SLC1A2: variants seen among roughly 807,000 people sequenced by gnomAD.
SLC1A2 encodes solute carrier family 1 member 2.
Under a neutral mutation model 48.8 loss-of-function variants are expected in SLC1A2, and 15 were observed. That is an observed-to-expected ratio of 0.31 (90% CI 0.21 to 0.47). SLC1A2 has a LOEUF of 0.47. Ranked by LOEUF, SLC1A2 falls within the 20% of genes least tolerant of loss-of-function variation. SLC1A2 has a pLI of 0.99. For missense variants in SLC1A2, 502 were observed against 730.5 expected (o/e 0.69, Z 3.61); for synonymous variants, 279 against 272.6 (o/e 1.02, Z -0.23).
At chr11:35,395,626 C>T (rs1854927919) in intron 1 of SLC1A2, among the ~76,000 whole-genome samples, 1 of 151,660 alleles carries the variant, frequency 6.6e-6, no homozygotes, top group South Asian at 2.1e-4. Flanking sequence ...GTCTTAGACG[C>T]TAGGTGGGCT....
intron 9 of SLC1A2, among the ~76,000 whole-genome samples, chr11:35,276,817 A>G (rs1230317898): frequency 2.6e-5 from 4 of 152,232 alleles, no homozygotes; most frequent in Non-Finnish European, 5.9e-5. Flanking sequence ...GAAGAAAAAA[A>G]TAGGTCAAAA....
At chr11:35,416,803 G>A (rs2135310187) in intron 1 of SLC1A2, among the ~76,000 whole-genome samples, 1 of 152,224 alleles carries the variant, frequency 6.6e-6, no homozygotes, top group South Asian at 2.1e-4. Flanking sequence ...TCTTTACAAG[G>A]CACATTAACC....
intron 1 of SLC1A2, chr11:35,360,121 A>G (rs1853623453): frequency 6.1e-6 from 6 of 983,844 alleles, no homozygotes; most frequent in African/African-American, 1.7e-5. Context: ...CAGTCCTGCT[A>G]TACTATAGAG....
chr11:35,341,490 T>A (rs1192918052), intron 1 of SLC1A2, among the ~76,000 whole-genome samples: 3 of 152,156 alleles, frequency 2.0e-5, no homozygotes, highest in African/African-American at 7.2e-5. Context: ...TTAAAAATAT[T>A]TTTTTAAAAA....
rs201613249 is a variant in SLC1A2, at chr11:35,329,033, T to C, written c.18-11517A>G. On this transcript the variant is annotated intron_variant, in intron 1 of 10. Transcript: ENST00000278379. ...CTTCAGTGGGCAAATGGATAAACCA[T>C]GGTACATGCAGACAATGCAATATTA... Among the ~76,000 whole-genome samples, 6 of 152,140 alleles carry C rather than the reference T, an allele frequency of 3.9e-5. No homozygotes were observed. In the East Asian group the frequency reaches 7.7e-4, roughly 19 times the overall value.
chr11:35,371,059 G>A, intron 1 of SLC1A2: 4 of 985,038 alleles, frequency 4.1e-6, no homozygotes, highest in Non-Finnish European at 4.8e-6. Context: ...GAGACAATGG[G>A]TGGAGTTGAC....
chr11:35,342,510 T>C (rs1212306017), intron 1 of SLC1A2, among the ~76,000 whole-genome samples: 3 of 117,406 alleles, frequency 2.6e-5, no homozygotes, highest in African/African-American at 1.2e-4. Flanking sequence ...ACCTCTCAAA[T>C]GAGTGTTTTT....
chr11:35,338,853 C>T (rs551166169), intron 1 of SLC1A2, among the ~76,000 whole-genome samples: 1 of 152,332 alleles, frequency 6.6e-6, no homozygotes, highest in South Asian at 2.1e-4. Flanking sequence ...CACTAAGATA[C>T]ACCTGATCAA....
intron 1 of SLC1A2, among the ~76,000 whole-genome samples, chr11:35,393,243 G>A (rs1436335064): frequency 6.6e-6 from 1 of 152,238 alleles, no homozygotes; most frequent in Non-Finnish European, 1.5e-5. Flanking sequence ...GCAGCTGCCA[G>A]ATGTGGCTGT....
At chr11:35,355,342 A>C (rs535434271) in intron 1 of SLC1A2, among the ~76,000 whole-genome samples, 87 of 152,260 alleles carry the variant, frequency 5.7e-4, no homozygotes, top group African/African-American at 2.1e-3. Context: ...CCCTCCTCCC[A>C]ACCCTTCACA....
chr11:35,275,359 G>T (rs1423214901), intron 9 of SLC1A2, among the ~76,000 whole-genome samples: 1 of 152,196 alleles, frequency 6.6e-6, no homozygotes, highest in East Asian at 1.9e-4. Flanking sequence ...CCTGTAGCCA[G>T]ACACAGTTAT....
chr11:35,314,511 G>A (rs769482044), intron 3 of SLC1A2, among the ~76,000 whole-genome samples: 13 of 152,040 alleles, frequency 8.6e-5, no homozygotes, highest in Admixed American at 2.6e-4. Context: ...TCAGGAGTTC[G>A]AGACCAGCTT....
chr11:35,280,038 T>C (rs1309555421), intron 9 of SLC1A2, among the ~76,000 whole-genome samples: 1 of 152,360 alleles, frequency 6.6e-6, no homozygotes, highest in East Asian at 1.9e-4. Context: ...TTTTGACAAA[T>C]GTAGACACCT....
intron 10 of SLC1A2, chr11:35,262,016 G>A (rs1290195180): frequency 1.3e-5 from 4 of 314,554 alleles, no homozygotes; most frequent in Non-Finnish European, 1.7e-5. Context: ...GATTAAACTT[G>A]AAAACTATTG....
intron 7 of SLC1A2, among the ~76,000 whole-genome samples, chr11:35,288,168 C>T (rs1850885234): frequency 1.3e-5 from 2 of 152,090 alleles, no homozygotes; most frequent in Admixed American, 6.5e-5. Flanking sequence ...ATCAGAAGCC[C>T]TAAAACTAGG....
At chr11:35,375,496 G>T (rs1854194523) in intron 1 of SLC1A2, among the ~76,000 whole-genome samples, 1 of 151,998 alleles carries the variant, frequency 6.6e-6, no homozygotes, top group Non-Finnish European at 1.5e-5. Flanking sequence ...GACTGCAGGT[G>T]CAGGTTGCAG....
intron 1 of SLC1A2, among the ~76,000 whole-genome samples, chr11:35,325,188 C>T (rs1026993161): frequency 3.3e-5 from 5 of 152,202 alleles, no homozygotes; most frequent in Admixed American, 3.3e-4. Flanking sequence ...TGCCTTGAAG[C>T]AAACCATCTC....
At chr11:35,369,210 C>A (rs1181811481) in intron 1 of SLC1A2, among the ~76,000 whole-genome samples, 1 of 152,088 alleles carries the variant, frequency 6.6e-6, no homozygotes, top group East Asian at 1.9e-4. Context: ...AGACTTTTTC[C>A]CCCACCACCT....
intron 1 of SLC1A2, among the ~76,000 whole-genome samples, chr11:35,398,854 C>T (rs1031469118): frequency 2.6e-5 from 4 of 152,190 alleles, no homozygotes; most frequent in African/African-American, 4.8e-5. Flanking sequence ...GAAAGTCGTA[C>T]CGCTGCCCAA....
Sources: allele counts gnomAD v4.1 joint callset (sites outside exome capture counted in the v4.1 genomes callset), GRCh38; gene constraint gnomAD v4.1.1; transcripts MANE v1.5; gene names NCBI Gene and HGNC (gene_info 2026-07-23, HGNC 2026-07-21).